The following GALNT13 variants were observed in gnomAD, a reference collection of about 807,000 sequenced individuals.
GALNT13 encodes polypeptide N-acetylgalactosaminyltransferase 13.
GALNT13 carries 28 observed loss-of-function variants against 64.2 expected under a neutral mutation model. The observed-to-expected ratio is 0.44, with a 90% CI of 0.32 to 0.60. The LOEUF (loss-of-function observed/expected upper bound fraction) is 0.60, where lower values mean the gene tolerates loss of function less well. GALNT13 is among the 20% of genes least tolerant of loss of function. GALNT13 has a pLI of 0.05. For missense variants in GALNT13, 577 were observed against 669.8 expected, an observed-to-expected ratio of 0.86 and a Z score of 1.53; for synonymous variants, 214 against 224.6, an observed-to-expected ratio of 0.95 and a Z score of 0.42.
chr2:153,972,895 C>A lies in GALNT13; in HGVS notation c.142+28256C>A, dbSNP rs987671992. Among the ~76,000 whole-genome samples, 14 of 151,970 alleles carry A rather than the reference C, an allele frequency of 9.2e-5. 1 individual carries two copies. Among genetic ancestry groups the A allele is most frequent in the African/African-American group, 3.4e-4 (14 of 41,498 alleles). The stretch of plus-strand genomic sequence containing the variant: ...TATGTAACACTTTAGAGTTAGTAAT[C>A]CTGTGACAAAGAATAAATGAAAAGA... On this transcript the variant is annotated intron_variant, in intron 3 of 12. Transcript: ENST00000392825.
At chr2:153,705,704 TCTG>T in the GALNT13 span, among the ~76,000 whole-genome samples, 1 of 152,182 alleles carries the variant, frequency 6.6e-6, no homozygotes, top group African/African-American at 2.4e-5. Context: ...TCCTGGCACT[TCTG>T]CTAACATTGT....
intron 9 of GALNT13, among the ~76,000 whole-genome samples, chr2:154,330,980 G>A (rs943696297): frequency 3.3e-5 from 5 of 152,008 alleles, no homozygotes; most frequent in Non-Finnish European, 7.4e-5. Context: ...GAGTGATAAG[G>A]ACAAAAGATA....
the GALNT13 span, among the ~76,000 whole-genome samples, chr2:153,276,915 A>G: frequency 6.6e-6 from 1 of 151,922 alleles, no homozygotes; most frequent in African/African-American, 2.4e-5. Flanking sequence ...AGTAATCAAT[A>G]TTTTCTTTGT....
chr2:154,009,426 AATT>A (rs572768199), intron 3 of GALNT13, among the ~76,000 whole-genome samples: 61 of 151,888 alleles, frequency 4.0e-4, no homozygotes, highest in South Asian at 2.9e-3. Flanking sequence ...TTTTAAAAAA[AATT>A]CTGTGAAGAT....
chr2:153,080,529 C>T, the GALNT13 span, among the ~76,000 whole-genome samples: 1 of 151,974 alleles, frequency 6.6e-6, no homozygotes, highest in Non-Finnish European at 1.5e-5. Flanking sequence ...TGGTATTGAT[C>T]TACCATTTCT....
chr2:154,029,195 A>G (rs1698180120), intron 3 of GALNT13, among the ~76,000 whole-genome samples: 1 of 151,674 alleles, frequency 6.6e-6, no homozygotes, highest in Admixed American at 6.6e-5. Flanking sequence ...AATCAAAAAA[A>G]AAAAAAAAAG....
intron 3 of GALNT13, among the ~76,000 whole-genome samples, chr2:154,119,533 C>A (rs1311601536): frequency 1.3e-5 from 2 of 152,156 alleles, no homozygotes; most frequent in Non-Finnish European, 2.9e-5. Flanking sequence ...TCTTCTCTTT[C>A]TTCTCCTCCT....
chr2:154,327,977 A>G (rs1481223686), intron 9 of GALNT13, among the ~76,000 whole-genome samples: 1 of 152,000 alleles, frequency 6.6e-6, no homozygotes, highest in Non-Finnish European at 1.5e-5. Flanking sequence ...TCACTCTCCT[A>G]TTTTATACAC....
chr2:154,415,664 C>G (rs1014137697), intron 11 of GALNT13, among the ~76,000 whole-genome samples: 1 of 152,106 alleles, frequency 6.6e-6, no homozygotes, highest in African/African-American at 2.4e-5. Flanking sequence ...AATCTTATGA[C>G]AGGTGTATTA....
chr2:153,496,710 G>T, the GALNT13 span, among the ~76,000 whole-genome samples: 1 of 152,220 alleles, frequency 6.6e-6, no homozygotes, highest in African/African-American at 2.4e-5. Context: ...TCTTGGCTGG[G>T]CACAGTGGCT....
At chr2:153,135,497 A>G in the GALNT13 span, among the ~76,000 whole-genome samples, 1 of 152,156 alleles carries the variant, frequency 6.6e-6, no homozygotes, top group African/African-American at 2.4e-5. Flanking sequence ...TAAATTTTCT[A>G]CAGTATGGCT....
At chr2:153,196,855 A>G in the GALNT13 span, among the ~76,000 whole-genome samples, 2 of 151,936 alleles carry the variant, frequency 1.3e-5, no homozygotes, top group African/African-American at 4.8e-5. Flanking sequence ...CGACTCCTCC[A>G]TATATGTTCC....
chr2:153,778,097 A>G, the GALNT13 span, among the ~76,000 whole-genome samples: 42 of 152,184 alleles, frequency 2.8e-4, no homozygotes, highest in African/African-American at 7.7e-4. Context: ...CCACAAGTCA[A>G]TGGCCTGCTG....
At chr2:154,048,730 G>C (rs947780297) in intron 3 of GALNT13, among the ~76,000 whole-genome samples, 13 of 152,076 alleles carry the variant, frequency 8.5e-5, no homozygotes, top group Admixed American at 5.9e-4. Flanking sequence ...ACTTATTAGA[G>C]ATAACTCAGA....
chr2:154,021,540 T>C (rs968253977), intron 3 of GALNT13, among the ~76,000 whole-genome samples: 1 of 152,168 alleles, frequency 6.6e-6, no homozygotes, highest in African/African-American at 2.4e-5. Context: ...GTGATTTTTG[T>C]ATATTGATTT....
the GALNT13 span, among the ~76,000 whole-genome samples, chr2:153,665,583 C>T: frequency 6.6e-6 from 1 of 151,914 alleles, no homozygotes; most frequent in South Asian, 2.1e-4. Context: ...AGTGACTCTG[C>T]TAGAAGAAGA....
chr2:153,404,513 G>A, the GALNT13 span, among the ~76,000 whole-genome samples: 7 of 141,244 alleles, frequency 5.0e-5, no homozygotes, highest in African/African-American at 2.9e-5. Flanking sequence ...TTTTTCAAAA[G>A]ATTTTTTTTT....
intron 4 of GALNT13, among the ~76,000 whole-genome samples, chr2:154,216,524 A>G (rs1207922002): frequency 6.6e-6 from 1 of 152,128 alleles, no homozygotes; most frequent in Middle Eastern, 3.2e-3. Context: ...TGAATGTGAA[A>G]TGTACATGGC....
At chr2:154,456,562 T>A (rs707091), downstream of GALNT13, among the ~76,000 whole-genome samples, 151,092 of 152,198 alleles carry the variant, frequency 0.99, 75,013 homozygotes, top group Middle Eastern at 1. Flanking sequence ...AATATCTCCT[T>A]GCACCAAGAA....
Sources: allele counts gnomAD v4.1 joint callset (sites outside exome capture counted in the v4.1 genomes callset), GRCh38; gene constraint gnomAD v4.1.1; transcripts MANE v1.5; gene names NCBI Gene and HGNC (gene_info 2026-07-23, HGNC 2026-07-21).